The following TRIM45 variants were observed in gnomAD, a reference collection of about 807,000 sequenced individuals.
TRIM45 encodes the protein tripartite motif containing 45.
Under a neutral mutation model 46.7 loss-of-function variants are expected in TRIM45, and 45 were observed. The observed-to-expected ratio is 0.96, with a 90% CI of 0.76 to 1.24. TRIM45 has a LOEUF of 1.24. Ranked by LOEUF, TRIM45 falls within the 50% of genes most tolerant of loss-of-function variation. TRIM45 has a pLI of 0.00. For synonymous variants in TRIM45, 259 were observed against 285.8 expected, an observed-to-expected ratio of 0.91 and a Z score of 0.94; for missense variants, 680 against 728.4, an observed-to-expected ratio of 0.93 and a Z score of 0.77.
Position 117,118,625 on chromosome 1 carries a change from A to G in TRIM45, c.631T>C (p.Cys211Arg), listed in dbSNP as rs1292983461. Residue 211 changes from cysteine to arginine, a missense_variant, in exon 2 of 6, where the codon TGC (cysteine) becomes CGC (arginine). This residue lies in a region of TRIM45 where 349 missense variants were observed against 343.6 expected (regional missense o/e 1.02). Coordinates refer to ENST00000256649, the MANE Select transcript of TRIM45 (RefSeq NM_025188.4). The surrounding 1 kb of genome is among the most constrained non-coding windows in gnomAD (Gnocchi z 5.7). ...LFCEFCDRPVCQDCVVGEHRE... is the reference protein window; with the variant it reads ...LFCEFCDRPVRQDCVVGEHRE... Reference sequence around the variant, plus strand: ...TGCTCCCCCACCACACAATCCTGGCACACGGGCCGGTCACAGAACTCACAG... The same window carrying G: ...TGCTCCCCCACCACACAATCCTGGCGCACGGGCCGGTCACAGAACTCACAG... 6.2e-7 allele frequency: 1 copy of G among 1,613,966 alleles called. No individual in the cohort carries two copies. The highest frequency in any genetic ancestry group is 8.5e-7 in the Non-Finnish European group (1 of 1,180,052).
chr1:117,112,643 C>T (rs41302819), intron 5 of TRIM45, among the ~76,000 whole-genome samples, 190 bp from the exon 6 acceptor site: 1,727 of 152,314 alleles, frequency 0.011, 18 homozygotes, highest in Non-Finnish European at 0.017. Flanking sequence ...GAATTGATCA[C>T]AGCAAATCAA....
chr1:117,118,087 C>A lies in TRIM45; in HGVS notation c.1169G>T (p.Gly390Val). 6.2e-7 allele frequency: 1 copy of A among 1,614,206 alleles called. No individual in the cohort carries two copies. Among genetic ancestry groups the A allele is most frequent in the Middle Eastern group, 1.6e-4 (1 of 6,062 alleles). The change falls in exon 2 of 6, where the codon GGT (glycine) becomes GTT (valine). Residue 390 changes from glycine to valine, a missense_variant. Gly to Val is a moderately radical substitution (Grantham distance 109, BLOSUM62 -3). Coordinates refer to ENST00000256649, the MANE Select transcript of TRIM45 (RefSeq NM_025188.4). This position sits in a 1 kb window ranked among gnomAD's most constrained non-coding sequence, Gnocchi z 5.7. ...AGQCRGYEIY[G>V]TINTKEVDPA... ...ATCAACCTCTTTGGTATTAATCGTA[C>A]CATAAATTTCATAGCCACGGCACTG...
At position 117,116,773 on chromosome 1, in the gene TRIM45, C is replaced by T. The variant is rs878973114; in HGVS notation, c.1223-28G>A. ...GAAAAAGATAAACACTCGGTCCTCA[C>T]CTCGAATGTAAACTGCAGTGACTAC... is the stretch of plus-strand genomic sequence containing the variant. On this transcript the variant is annotated intron_variant, in intron 2 of 5. Coordinates refer to ENST00000256649, the MANE Select transcript of TRIM45 (RefSeq NM_025188.4). This position sits in a 1 kb window ranked among gnomAD's most constrained non-coding sequence, Gnocchi z 4.6. 1.2e-6 allele frequency: 2 copies of T among 1,613,422 alleles called. No homozygotes were observed. Among genetic ancestry groups the T allele is most frequent in the Non-Finnish European group, 1.7e-6 (2 of 1,179,572 alleles).
rs1252147257 is a variant in TRIM45 at position 117,116,478 on chromosome 1, A to C, written c.1352+138T>G. 8.4e-7 allele frequency: 1 copy of C among 1,184,704 alleles called. No homozygotes were observed. The highest frequency in any genetic ancestry group is 2.5e-5 in the East Asian group (1 of 40,156). 73.4% of individuals were successfully genotyped at this position (1,184,704 alleles called of 1,614,324 possible). The stretch of plus-strand genomic sequence containing the variant: ...GGTCTTGAACTCTTGGGCTTAAGCG[A>C]TCCTCCTGCCTCCACTTCCCAAAGT... On this transcript the variant is annotated intron_variant, in intron 3 of 5. Transcript: ENST00000256649. The surrounding 1 kb of genome is among the most constrained non-coding windows in gnomAD (Gnocchi z 4.6).
chr1:117,123,380 T>C (rs1480541320), upstream of TRIM45, among the ~76,000 whole-genome samples: 3 of 152,228 alleles, frequency 2.0e-5, no homozygotes, highest in East Asian at 5.8e-4. Flanking sequence ...CTCTTGTTCA[T>C]ACTGTATCAC....
In TRIM45 at chr1:117,118,789, A is replaced by G. The variant is rs1650514228; in HGVS notation, c.489-22T>C. The G allele has an allele frequency of 6.2e-7, 1 of 1,600,222 alleles. No individual in the cohort carries two copies. Among genetic ancestry groups the G allele is most frequent in the Non-Finnish European group, 8.5e-7 (1 of 1,172,458 alleles). On this transcript the variant is annotated intron_variant, in intron 1 of 5. Coordinates refer to ENST00000256649, the MANE Select transcript of TRIM45 (RefSeq NM_025188.4). The surrounding 1 kb of genome is among the most constrained non-coding windows in gnomAD (Gnocchi z 5.7). ...CCGCCTAGGGGCAAACAGAATCAGT[A>G]ACAGGAAATAAGGGGATAATTCTGT...
In TRIM45 at chr1:117,118,006, T is replaced by C. The variant is rs1412124714; in HGVS notation, c.1222+28A>G. ...CACCACCTCCCTGTCCACTGCCCTC[T>C]CAATGTCAATGGGAAATGCCTTCCT... On this transcript the variant is annotated intron_variant, in intron 2 of 5. Transcript: ENST00000256649. This position sits in a 1 kb window ranked among gnomAD's most constrained non-coding sequence, Gnocchi z 5.7. 1 of 1,595,326 alleles carries C rather than the reference T, an allele frequency of 6.3e-7. No individual in the cohort carries two copies. Among genetic ancestry groups the C allele is most frequent in the Admixed American group, 1.7e-5 (1 of 58,986 alleles).
chr1:117,120,457 A>T (rs1478266473), intron 1 of TRIM45, among the ~76,000 whole-genome samples: 2 of 152,226 alleles, frequency 1.3e-5, no homozygotes, highest in East Asian at 3.8e-4. Flanking sequence ...CGAATGACTG[A>T]AGGAAACTGT....
intron 1 of TRIM45, among the ~76,000 whole-genome samples, chr1:117,120,447 C>T (rs925820125): frequency 6.6e-6 from 1 of 152,170 alleles, no homozygotes; most frequent in Non-Finnish European, 1.5e-5. Context: ...ATTCACTACA[C>T]GAATGACTGA....
In TRIM45 at chr1:117,117,479, C is replaced by T. The variant is rs145334611; in HGVS notation, c.1222+555G>A. 8.4e-4 allele frequency among the ~76,000 whole-genome samples: 128 copies of T among 152,290 alleles called. No individual in the cohort carries two copies. Among genetic ancestry groups the T allele is most frequent in the Non-Finnish European group, 1.5e-3 (104 of 68,024 alleles). ...GTGAAACATATGTTTTAATAATATG[C>T]TTCCATTAGAAAGGGAACACTCGTT... is the stretch of plus-strand genomic sequence containing the variant. On this transcript the variant is annotated intron_variant, in intron 2 of 5. Coordinates refer to ENST00000256649, the MANE Select transcript of TRIM45 (RefSeq NM_025188.4). The surrounding 1 kb of genome is among the most constrained non-coding windows in gnomAD (Gnocchi z 4.9).
Position 117,121,473 on chromosome 1 carries a change from C to A in TRIM45, c.-272G>T. 1 of 512,764 alleles carries A rather than the reference C, an allele frequency of 2.0e-6. No individual in the cohort carries two copies. Among genetic ancestry groups the A allele is most frequent in the Admixed American group, 3.7e-5 (1 of 27,036 alleles). The allele number at this position is 512,764 out of a possible 1,614,324, so 31.8% of individuals were successfully genotyped here. On this transcript the variant is annotated 5_prime_UTR_variant, in exon 1 of 6. Transcript: ENST00000256649. This position sits in a 1 kb window ranked among gnomAD's most constrained non-coding sequence, Gnocchi z 4.2. ...CTGCCCCGCAAGTCCTCCCCGGATG[C>A]GCTTCCAGGTCTAGCTCTCCAGCTA...
chr1:117,121,800 G>C (rs1398832632), upstream of TRIM45: 1 of 711,156 alleles, frequency 1.4e-6, no homozygotes, highest in Non-Finnish European at 2.6e-6. This position sits in a 1 kb window ranked among gnomAD's most constrained non-coding sequence, Gnocchi z 4.2. Context: ...TCCAATCACC[G>C]TCCGAGAGCG....
In TRIM45 at chr1:117,112,196, G is replaced by A; in HGVS notation, c.*109C>T. The A allele has an allele frequency of 5.2e-6, 6 of 1,162,950 alleles. No individual in the cohort carries two copies. The highest frequency in any genetic ancestry group is 5.7e-5 in the East Asian group (2 of 35,232). 72.0% of individuals were successfully genotyped at this position (1,162,950 alleles called of 1,614,324 possible). A position where few individuals can be genotyped will look rare whatever the true frequency, so the allele number is the denominator to read the frequency against. ...CACTTGAACTCCAGTGCAAGATAAG[G>A]CACTTTGTTTTTAATTCTATCAGTC... On this transcript the variant is annotated 3_prime_UTR_variant, in exon 6 of 6. Transcript: ENST00000256649.
upstream of TRIM45, among the ~76,000 whole-genome samples, chr1:117,122,818 C>T (rs1650708543): frequency 6.6e-6 from 1 of 152,148 alleles, no homozygotes; most frequent in Non-Finnish European, 1.5e-5. Flanking sequence ...AAAATGGAAA[C>T]AGCTGCTCCT....
upstream of TRIM45, among the ~76,000 whole-genome samples, chr1:117,123,319 C>T (rs1650734485): frequency 1.3e-5 from 2 of 152,142 alleles, no homozygotes; most frequent in South Asian, 4.1e-4. Context: ...TATATTCTTG[C>T]TTTGAACTTC....
intron 4 of TRIM45, among the ~76,000 whole-genome samples, chr1:117,114,571 A>G (rs1650331180): frequency 6.6e-6 from 1 of 152,252 alleles, no homozygotes; most frequent in Non-Finnish European, 1.5e-5. Flanking sequence ...CAGATGTTAA[A>G]TTTCCCATCT....
chr1:117,119,111 G>A (rs1264701842), intron 1 of TRIM45, among the ~76,000 whole-genome samples: 5 of 152,246 alleles, frequency 3.3e-5, no homozygotes, highest in African/African-American at 1.2e-4. Flanking sequence ...TAAGCTAGCA[G>A]TGAGGGCATG....
At chr1:117,121,777 C>A, upstream of TRIM45, 2 of 706,450 alleles carry the variant, frequency 2.8e-6, no homozygotes, top group South Asian at 3.0e-5. The surrounding 1 kb of genome is among the most constrained non-coding windows in gnomAD (Gnocchi z 4.2). Context: ...CCAGCCCGGT[C>A]TACTCCGGCG....
Position 117,120,912 on chromosome 1 carries a change from C to T in TRIM45, c.290G>A (p.Cys97Tyr), listed in dbSNP as rs1205360972. 7.4e-6 allele frequency: 12 copies of T among 1,614,090 alleles called. No homozygotes were observed. Among genetic ancestry groups the T allele is most frequent in the Non-Finnish European group, 1.0e-5 (12 of 1,180,044 alleles). The change falls in exon 1 of 6, where the codon TGT (cysteine) becomes TAT (tyrosine). Residue 97 changes from cysteine (C) to tyrosine (Y), a missense_variant. Around this residue, in one of 3 missense-constraint regions of TRIM45, gnomAD observed 349 missense variants for 343.6 expected, o/e 1.02. Coordinates refer to ENST00000256649, the MANE Select transcript of TRIM45 (RefSeq NM_025188.4). Reference protein sequence around the residue: ...QSQIGILCPVCDAQVDLPMGG... With the variant: ...QSQIGILCPVYDAQVDLPMGG... The stretch of plus-strand genomic sequence containing the variant: ...CATGGGCAGGTCCACCTGAGCATCA[C>T]ATACAGGACAAAGGATGCCGATCTG...
Sources: gnomAD v4.1 joint callset for allele counts (sites outside exome capture counted in the v4.1 genomes callset) on GRCh38, gnomAD v4.1.1 for gene constraint, gnomAD v4.1.1 regional missense constraint, Gnocchi (gnomAD v3.1) non-coding constraint, MANE v1.5 for transcripts, NCBI Gene and HGNC (gene_info 2026-07-23, HGNC 2026-07-21) for gene names.